DNAH5: variants seen among roughly 807,000 people sequenced by gnomAD.
DNAH5 encodes axonemal beta dynein heavy chain 5.
A neutral mutation model predicts 518.2 loss-of-function variants in DNAH5; 372 were observed. The observed-to-expected ratio is 0.72, with a 90% confidence interval of 0.66 to 0.78. The LOEUF (loss-of-function observed/expected upper bound fraction) is 0.78. DNAH5 is among the 30% of genes least tolerant of loss of function. The probability of loss-of-function intolerance (pLI) is 0.00; values close to 1 mark genes in which losing one functional copy is unlikely to be tolerated. For synonymous variants in DNAH5, 2,039 were observed against 2,025.9 expected (o/e 1.01, Z -0.17); for missense variants, 5,523 against 5,687.0 (o/e 0.97, Z 0.93).
rs749428414 is a variant in DNAH5, at chr5:13,788,729, T to A, written c.8634A>T (p.Ala2878=). The change falls in exon 51 of 79, where the codon GCA becomes GCT. Residue 2878 remains alanine, a synonymous_variant. Coordinates refer to ENST00000265104, the MANE Select transcript of DNAH5 (RefSeq NM_001369.3). ...DTYFVDFLRD[A]PEAAGETSEE... ...TCAATAGTTTACCTGCAGCTTCAGG[T>A]GCATCTCTCAAGAAATCCACAAAAT... is the stretch of plus-strand genomic sequence containing the variant. 3.1e-6 allele frequency: 5 copies of A among 1,613,980 alleles called. No individual in the cohort carries two copies. The Admixed American group carries it at 6.7e-5, about 22-fold the overall frequency.
intron 52 of DNAH5, among the ~76,000 whole-genome samples, chr5:13,783,199 T>C (rs1370994743): frequency 6.6e-6 from 1 of 152,138 alleles, no homozygotes; most frequent in Admixed American, 6.5e-5. Flanking sequence ...AGACACACAG[T>C]ATCTCAGAAT....
Position 13,885,022 on chromosome 5 carries a change from GT to G in DNAH5, c.2949del (p.Lys983AsnfsTer20). On this transcript the variant is annotated frameshift_variant, in exon 19 of 79. Coordinates refer to ENST00000265104, the MANE Select transcript of DNAH5 (RefSeq NM_001369.3). LOFTEE classifies it high-confidence loss of function. The stretch of plus-strand genomic sequence containing the variant: ...TTAATTGTGTGAGAGGAATGAATAC[GT>G]TTGCGAATGGCCTCTAGTGTATTCC... ...VTRNTLEAIR[K>X]RIHSSHTINF... 6.2e-7 allele frequency: 1 copy of G among 1,614,214 alleles called. No individual in the cohort carries two copies. Among genetic ancestry groups the G allele is most frequent in the South Asian group, 1.1e-5 (1 of 91,090 alleles).
At chr5:13,786,445 C>T (rs1361538980) in intron 51 of DNAH5, 94 bp from the exon 52 acceptor site, 5 of 1,232,654 alleles carry the variant, frequency 4.1e-6, no homozygotes, top group Non-Finnish European at 5.9e-6. Flanking sequence ...CAACCTAACA[C>T]TGAATAACAT....
chr5:13,867,649 T>G, intron 25 of DNAH5, 125 bp downstream of exon 25: 1 of 828,414 alleles, frequency 1.2e-6, no homozygotes, highest in Non-Finnish European at 2.1e-6. Flanking sequence ...GAAAATAAAA[T>G]TCCCATTCCC....
At chr5:13,910,658 T>A (rs1014197676) in intron 12 of DNAH5, among the ~76,000 whole-genome samples, 6 of 152,082 alleles carry the variant, frequency 3.9e-5, no homozygotes, top group Non-Finnish European at 7.4e-5. Flanking sequence ...CCTCCCTGAC[T>A]CCCCTTTCCT....
intron 60 of DNAH5, among the ~76,000 whole-genome samples, chr5:13,759,351 G>C (rs1751466800): frequency 6.6e-6 from 1 of 152,190 alleles, no homozygotes. Context: ...TAGTGGGCTA[G>C]ATTTGGCCCA....
chr5:13,883,015 G>A lies in DNAH5; in HGVS notation c.3063C>T (p.Ile1021=), dbSNP rs555934422. The A allele has an allele frequency of 1.1e-5, 18 of 1,614,180 alleles. No individual in the cohort carries two copies. The African/African-American group carries it at 1.2e-4, about 11-fold the overall frequency. ...RASVTLAIPN[I]VMAPALEDVQ... ...CATCTTCCAGGGCAGGGGCCATGAC[G>A]ATGTTGGGAATGGCCAGAGTGACGC... Residue 1021 remains isoleucine, a synonymous_variant, in exon 20 of 79, where the codon ATC becomes ATT. Coordinates refer to ENST00000265104, the MANE Select transcript of DNAH5 (RefSeq NM_001369.3).
chr5:13,912,907 G>T (rs1776184083), intron 11 of DNAH5, among the ~76,000 whole-genome samples: 1 of 151,680 alleles, frequency 6.6e-6, no homozygotes, highest in African/African-American at 2.4e-5. Context: ...TCTACTATGT[G>T]CCAGTAAACT....
intron 1 of DNAH5, among the ~76,000 whole-genome samples, chr5:13,980,349 C>T (rs796867311): frequency 4.1e-4 from 63 of 152,250 alleles, no homozygotes; most frequent in African/African-American, 1.4e-3. Context: ...CAACCCTGAA[C>T]GTTCCTCCAA....
rs548467633 is a variant in DNAH5 at position 13,710,059 on chromosome 5, T to C, written c.13126-1724A>G. On this transcript the variant is annotated intron_variant, in intron 75 of 78. Transcript: ENST00000265104. Reference sequence around the variant, plus strand: ...AAGCTAAGAACCCTCACGGAGTCCATTGCACCCCACCGCCAACTCCGCCAG... The same window carrying C: ...AAGCTAAGAACCCTCACGGAGTCCACTGCACCCCACCGCCAACTCCGCCAG... 1.2e-4 allele frequency among the ~76,000 whole-genome samples: 18 copies of C among 152,008 alleles called. No individual in the cohort carries two copies. In the South Asian group the frequency reaches 2.5e-3, roughly 21 times the overall value.
chr5:13,973,042 G>C (rs1781989023), intron 1 of DNAH5, among the ~76,000 whole-genome samples: 1 of 152,188 alleles, frequency 6.6e-6, no homozygotes, highest in Non-Finnish European at 1.5e-5. Context: ...GATGTGAATA[G>C]ATTAAGGATT....
At position 13,917,071 on chromosome 5, in the gene DNAH5, A is replaced by C. The variant is rs1477814014; in HGVS notation, c.1089+72T>G. On this transcript the variant is annotated intron_variant, in intron 8 of 78. Transcript: ENST00000265104. The stretch of plus-strand genomic sequence containing the variant: ...ATGAACTGTAATATTGATGAAACAA[A>C]ATTCAATATTCAATTCAGCTAGTGC... 30 of 1,209,558 alleles carry C rather than the reference A, an allele frequency of 2.5e-5. No homozygotes were observed. In the Admixed American group the frequency reaches 5.2e-4, roughly 21 times the overall value. 74.9% of individuals were successfully genotyped at this position (1,209,558 alleles called of 1,614,324 possible). A position where few individuals can be genotyped will look rare whatever the true frequency, so the allele number is the denominator to read the frequency against.
chr5:13,817,459 A>G, intron 42 of DNAH5, 89 bp downstream of exon 42: 2 of 1,335,778 alleles, frequency 1.5e-6, no homozygotes, highest in Non-Finnish European at 2.1e-6. Flanking sequence ...ATTATACAGC[A>G]AATACAGTTG....
At chr5:13,939,769 G>A (rs1580983709) in intron 1 of DNAH5, among the ~76,000 whole-genome samples, 1 of 152,058 alleles carries the variant, frequency 6.6e-6, no homozygotes, top group Admixed American at 6.6e-5. Flanking sequence ...CCCGGTGAAG[G>A]GCCACAGCTG....
At position 13,882,831 on chromosome 5, in the gene DNAH5, A is replaced by G. The variant is rs761060792; in HGVS notation, c.3175-16T>C. On this transcript the variant is annotated splice_polypyrimidine_tract_variant and intron_variant, in intron 20 of 78. Transcript: ENST00000265104. ...GTATCTTTTTCTACAATGTAAAAGG[A>G]TATTTTTCAGTTCTGTCCTATCTGT... 6.2e-7 allele frequency: 1 copy of G among 1,613,692 alleles called. No homozygotes were observed. Among genetic ancestry groups the G allele is most frequent in the Non-Finnish European group, 8.5e-7 (1 of 1,179,682 alleles).
intron 1 of DNAH5, among the ~76,000 whole-genome samples, chr5:13,965,985 C>A (rs1781496382): frequency 6.6e-6 from 1 of 151,900 alleles, no homozygotes; most frequent in Admixed American, 6.6e-5. Flanking sequence ...CCTCACCCCC[C>A]TCCCATCCTT....
intron 31 of DNAH5, among the ~76,000 whole-genome samples, chr5:13,848,023 A>G (rs553387242): frequency 1.3e-5 from 2 of 152,304 alleles, no homozygotes; most frequent in South Asian, 2.1e-4. Context: ...TTAGGCACAG[A>G]GCATTCCTGC....
In DNAH5 at chr5:13,692,174, C is replaced by T. The variant is rs754663794; in HGVS notation, c.13724-39G>A. The T allele has an allele frequency of 8.7e-6, 14 of 1,609,924 alleles. No homozygotes were observed. The East Asian group carries it at 2.9e-4, about 33-fold the overall frequency. On this transcript the variant is annotated intron_variant, in intron 78 of 78. Transcript: ENST00000265104. ...AAAAGAAAAGAACTTGGTGAAATTT[C>T]CACTTTAGAGCCCAAGGAGAATGCA... is the stretch of plus-strand genomic sequence containing the variant.
chr5:13,835,290 A>C (rs1184251024), intron 35 of DNAH5, among the ~76,000 whole-genome samples: 1 of 151,812 alleles, frequency 6.6e-6, no homozygotes, highest in Non-Finnish European at 1.5e-5. Flanking sequence ...AAAAAAAAAA[A>C]TAGTAGTAAT....
Sources: allele counts gnomAD v4.1 joint callset (sites outside exome capture counted in the v4.1 genomes callset), GRCh38; gene constraint gnomAD v4.1.1; transcripts MANE v1.5; gene names NCBI Gene and HGNC (gene_info 2026-07-23, HGNC 2026-07-21).